Variants in PLPPR5 observed in about 807,000 individuals in gnomAD.
PLPPR5 encodes the protein phospholipid phosphatase related 5.
PLPPR5 carries 16 observed loss-of-function variants against 33.9 expected under a neutral mutation model. That is an observed-to-expected ratio of 0.47 (90% CI 0.32 to 0.72). The LOEUF (loss-of-function observed/expected upper bound fraction) is 0.72. Ranked by LOEUF, PLPPR5 falls within the 30% of genes least tolerant of loss-of-function variation. The pLI, the probability that PLPPR5 is intolerant of heterozygous loss-of-function variation, is 0.03. For missense variants in PLPPR5, 301 were observed against 406.7 expected, an observed-to-expected ratio of 0.74 and a Z score of 2.23; for synonymous variants, 163 against 150.3, an observed-to-expected ratio of 1.08 and a Z score of -0.62.
At chr1:99,001,671 G>GATAGATAGATATATATATATAT (rs1247519605) in intron 1 of PLPPR5, among the ~76,000 whole-genome samples, 1 of 102,190 alleles carries the variant, frequency 9.8e-6, no homozygotes, top group East Asian at 3.7e-4. Flanking sequence ...GAAAGTTAAA[G>GATAGATAGATATATATATATAT]ATATATATAT....
chr1:98,921,349 C>T (rs1225302184), intron 4 of PLPPR5, among the ~76,000 whole-genome samples: 1 of 152,106 alleles, frequency 6.6e-6, no homozygotes, highest in Non-Finnish European at 1.5e-5. Flanking sequence ...TGCCTCATCT[C>T]ACAGGTGAGG....
At chr1:98,970,396 G>A (rs1651616502) in intron 1 of PLPPR5, among the ~76,000 whole-genome samples, 1 of 151,978 alleles carries the variant, frequency 6.6e-6, no homozygotes, top group South Asian at 2.1e-4. Context: ...AACTCTAACA[G>A]CTTGGAATGG....
rs542076152 is a variant in PLPPR5, at chr1:98,943,090, T to C, written c.621+9980A>G. 6.6e-5 allele frequency among the ~76,000 whole-genome samples: 10 copies of C among 152,288 alleles called. 1 individual carries two copies. The South Asian group carries it at 2.1e-3, about 32-fold the overall frequency. ...CACAGAAAGTTATAGAGGTGGTTTA[T>C]AGAACATAGCATCCCTTAGGGGCAA... is the stretch of plus-strand genomic sequence containing the variant. On this transcript the variant is annotated intron_variant, in intron 3 of 5. Transcript: ENST00000263177.
At chr1:98,902,051 A>G (rs1304557249) in intron 5 of PLPPR5, among the ~76,000 whole-genome samples, 1 of 152,212 alleles carries the variant, frequency 6.6e-6, no homozygotes, top group Non-Finnish European at 1.5e-5. Flanking sequence ...TTCTTGTTTC[A>G]GAACACAGAC....
intron 5 of PLPPR5, among the ~76,000 whole-genome samples, chr1:98,907,643 G>C (rs898013767): frequency 1.3e-5 from 2 of 152,148 alleles, no homozygotes; most frequent in East Asian, 3.9e-4. Flanking sequence ...TTCCTAAAAT[G>C]AATGGGAAAA....
intron 1 of PLPPR5, among the ~76,000 whole-genome samples, chr1:98,982,675 G>C (rs1652098307): frequency 6.6e-6 from 1 of 152,030 alleles, no homozygotes; most frequent in Non-Finnish European, 1.5e-5. Flanking sequence ...TAAGATCTTT[G>C]AATTAAATGT....
At chr1:98,926,570 G>A (rs571609687) in intron 3 of PLPPR5, among the ~76,000 whole-genome samples, 1 of 151,388 alleles carries the variant, frequency 6.6e-6, no homozygotes, top group African/African-American at 2.4e-5. Context: ...TTCTTCACAT[G>A]AACTGATGCC....
intron 5 of PLPPR5, among the ~76,000 whole-genome samples, chr1:98,893,806 G>A (rs889345124): frequency 2.6e-4 from 40 of 151,724 alleles, no homozygotes; most frequent in Admixed American, 2.1e-3. Context: ...GATCTAATAT[G>A]ACTGACAACC....
At chr1:98,995,983 T>A (rs1652617026) in intron 1 of PLPPR5, among the ~76,000 whole-genome samples, 1 of 151,954 alleles carries the variant, frequency 6.6e-6, no homozygotes, top group South Asian at 2.1e-4. Flanking sequence ...TCAAGTCTAG[T>A]TATGGAAATG....
rs769650634 is a variant in PLPPR5, at chr1:98,914,889, C to A, written c.830G>T (p.Arg277Ile). ...GTGTATATGCTCATTTTCTGCTTGT[C>A]TCCCTTTGAAATTATTCACCACGCA... ...VVCVVNNFKG[R>I]QAENEHIHMD... The change falls in exon 5 of 6, where the codon AGA becomes ATA. Residue 277 changes from arginine (R) to isoleucine (I), a missense_variant. Arg to Ile is a moderately conservative substitution (Grantham distance 97). Transcript: ENST00000263177. The A allele has an allele frequency of 1.8e-5, 29 of 1,612,026 alleles. No individual in the cohort carries two copies. In the South Asian group the frequency reaches 3.0e-4, roughly 16 times the overall value.
At chr1:98,958,054 T>C (rs72730366) in intron 1 of PLPPR5, among the ~76,000 whole-genome samples, 19,264 of 152,232 alleles carry the variant, frequency 0.13, 1,264 homozygotes, top group Non-Finnish European at 0.14. Context: ...AAGAAGAAAT[T>C]TCTCTCTAAT....
chr1:98,902,474 TTTC>T (rs1648731540), intron 5 of PLPPR5, among the ~76,000 whole-genome samples: 1 of 152,162 alleles, frequency 6.6e-6, no homozygotes, highest in Non-Finnish European at 1.5e-5. Flanking sequence ...TATTTACTGA[TTTC>T]TTCTTTAATC....
At chr1:98,947,835 T>C (rs1048800047) in intron 3 of PLPPR5, among the ~76,000 whole-genome samples, 3 of 152,232 alleles carry the variant, frequency 2.0e-5, no homozygotes, top group African/African-American at 7.2e-5. Flanking sequence ...AGTATAGCAG[T>C]CACAGTATGA....
chr1:98,955,086 A>G (rs1282112124), intron 2 of PLPPR5, among the ~76,000 whole-genome samples: 3 of 152,084 alleles, frequency 2.0e-5, no homozygotes, highest in African/African-American at 7.2e-5. Flanking sequence ...GCTTACCTAA[A>G]GTAAGCACTG....
At chr1:99,001,675 T>TATATATATAG (rs1557699479) in intron 1 of PLPPR5, among the ~76,000 whole-genome samples, 1 of 55,958 alleles carries the variant, frequency 1.8e-5, no homozygotes, top group Non-Finnish European at 4.9e-5. Context: ...GTTAAAGATA[T>TATATATATAG]ATATATATAT....
chr1:98,968,488 C>A (rs1651530727), intron 1 of PLPPR5, among the ~76,000 whole-genome samples: 1 of 151,776 alleles, frequency 6.6e-6, no homozygotes, highest in African/African-American at 2.4e-5. Context: ...AGAAATAAAC[C>A]TTTTAAGCAC....
chr1:98,953,964 T>C (rs78551024), intron 2 of PLPPR5, among the ~76,000 whole-genome samples: 243 of 152,336 alleles, frequency 1.6e-3, no homozygotes, highest in South Asian at 4.6e-3. Flanking sequence ...TTATCTTATA[T>C]GGACTGGCTT....
chr1:98,949,171 A>G (rs779004344), intron 3 of PLPPR5, among the ~76,000 whole-genome samples: 4 of 152,158 alleles, frequency 2.6e-5, no homozygotes, highest in Non-Finnish European at 5.9e-5. Context: ...AATGTCACTG[A>G]ACACTGAATT....
intron 1 of PLPPR5, among the ~76,000 whole-genome samples, chr1:99,000,502 C>T (rs1187414543): frequency 1.3e-5 from 2 of 152,172 alleles, no homozygotes; most frequent in African/African-American, 2.4e-5. Context: ...CCCCACACAC[C>T]ACTCTTAGAA....
Sources: allele counts gnomAD v4.1 joint callset (sites outside exome capture counted in the v4.1 genomes callset), GRCh38; gene constraint gnomAD v4.1.1; transcripts MANE v1.5; gene names NCBI Gene and HGNC (gene_info 2026-07-23, HGNC 2026-07-21).